The following FAM76A variants were observed in gnomAD, a reference collection of about 807,000 sequenced individuals.
FAM76A encodes family with sequence similarity 76 member A.
Under a neutral mutation model 46.2 loss-of-function variants are expected in FAM76A, and 32 were observed. The observed-to-expected ratio is 0.69, with a 90% CI of 0.52 to 0.93. The LOEUF is 0.93. Ranked by LOEUF, FAM76A falls within the 40% of genes least tolerant of loss-of-function variation. FAM76A has a pLI of 0.00. For missense variants in FAM76A, 274 were observed against 361.5 expected, an observed-to-expected ratio of 0.76 and a Z score of 1.96; for synonymous variants, 137 against 127.0, an observed-to-expected ratio of 1.08 and a Z score of -0.53.
chr1:27,730,016 A>G (rs568421888), intron 2 of FAM76A, among the ~76,000 whole-genome samples: 12 of 152,286 alleles, frequency 7.9e-5, no homozygotes, highest in East Asian at 3.9e-4. Context: ...TAGTGGAATC[A>G]TACTCTAGAA....
chr1:27,737,253 C>G (rs1432905792), intron 4 of FAM76A, among the ~76,000 whole-genome samples: 1 of 152,038 alleles, frequency 6.6e-6, no homozygotes, highest in Non-Finnish European at 1.5e-5. Context: ...CCGGCCTGCT[C>G]TTTTATTTCT....
In FAM76A at chr1:27,755,371, G is replaced by A. The variant is rs2088393526; in HGVS notation, c.735+41G>A. 5 of 1,610,408 alleles carry A rather than the reference G, an allele frequency of 3.1e-6. No individual in the cohort carries two copies. The East Asian group carries it at 8.9e-5, about 29-fold the overall frequency. On this transcript the variant is annotated intron_variant, in intron 7 of 8. Transcript: ENST00000373954. ...TTCCTCTCTGACCAGAATGATGCGA[G>A]GGTGAGATATGTGGTATGGGACATG...
chr1:27,749,581 C>T (rs2088300480), intron 6 of FAM76A, among the ~76,000 whole-genome samples: 1 of 152,160 alleles, frequency 6.6e-6, no homozygotes, highest in Admixed American at 6.5e-5. Flanking sequence ...GACTTGAACT[C>T]CTGGCCTCAA....
At chr1:27,726,243 C>CG in intron 1 of FAM76A, 82 bp downstream of exon 1, 1 of 1,153,248 alleles carries the variant, frequency 8.7e-7, no homozygotes, top group Non-Finnish European at 1.1e-6. Flanking sequence ...GGACGCCCGG[C>CG]GGGGTCCCCG....
chr1:27,758,129 T>C (rs1256700404), intron 7 of FAM76A, among the ~76,000 whole-genome samples: 1 of 152,196 alleles, frequency 6.6e-6, no homozygotes, highest in African/African-American at 2.4e-5. Flanking sequence ...TCATTCTGAA[T>C]AGCTAAGACA....
intron 6 of FAM76A, among the ~76,000 whole-genome samples, chr1:27,753,545 G>A (rs536431691): frequency 3.3e-5 from 5 of 152,206 alleles, no homozygotes; most frequent in Non-Finnish European, 7.3e-5. Flanking sequence ...TTGTTATGCA[G>A]TAATTCCATC....
At chr1:27,740,237 T>A in intron 4 of FAM76A, 1 of 681,954 alleles carries the variant, frequency 1.5e-6, no homozygotes, top group Non-Finnish European at 2.8e-6. Flanking sequence ...TTGAGGCTAC[T>A]AAGTACTCAG....
At chr1:27,756,516 C>T (rs866199543) in intron 7 of FAM76A, among the ~76,000 whole-genome samples, 65 of 152,038 alleles carry the variant, frequency 4.3e-4, no homozygotes, top group African/African-American at 1.4e-3. Flanking sequence ...GTCTCGAACT[C>T]CTCATCTGAA....
intron 3 of FAM76A, among the ~76,000 whole-genome samples, chr1:27,732,872 C>T (rs993760747): frequency 3.3e-5 from 5 of 151,900 alleles, no homozygotes; most frequent in Admixed American, 1.3e-4. Context: ...TTATAATTTT[C>T]ATTGAGAGGC....
rs2087976994 is a variant in FAM76A at position 27,732,523 on chromosome 1, T to TGAGCA, written c.147-79_147-75dup. Reference sequence around the variant, plus strand: ...CATATCTCACTTTGGCCCTTAGCAATGAGCAAATTCCTTGGGCTTAAGGAG... The same window carrying TGAGCA: ...CATATCTCACTTTGGCCCTTAGCAATGAGCAGAGCAAATTCCTTGGGCTTAAGGAG... On this transcript the variant is annotated intron_variant, in intron 2 of 8. Transcript: ENST00000373954. 5 of 1,289,458 alleles carry TGAGCA rather than the reference T, an allele frequency of 3.9e-6. No homozygotes were observed. In the Admixed American group the frequency reaches 9.3e-5, roughly 24 times the overall value. The allele number at this position is 1,289,458 out of a possible 1,614,324, so 79.9% of individuals were successfully genotyped here.
At chr1:27,739,855 A>G (rs1409550275) in intron 4 of FAM76A, 1 of 187,296 alleles carries the variant, frequency 5.3e-6, no homozygotes, top group African/African-American at 2.4e-5. Flanking sequence ...AAAATAGGCT[A>G]TGGTACAGAG....
intron 3 of FAM76A, among the ~76,000 whole-genome samples, chr1:27,733,815 A>C (rs942257912): frequency 5.3e-5 from 8 of 152,090 alleles, no homozygotes; most frequent in Non-Finnish European, 1.0e-4. Flanking sequence ...GCGCCACTGC[A>C]CTCCAGCCTG....
intron 3 of FAM76A, among the ~76,000 whole-genome samples, chr1:27,732,892 C>G (rs2087983541): frequency 6.6e-6 from 1 of 151,532 alleles, no homozygotes; most frequent in South Asian, 2.1e-4. Flanking sequence ...CTTCAGTGAC[C>G]AGTATGGAAA....
intron 4 of FAM76A, among the ~76,000 whole-genome samples, chr1:27,742,537 G>A (rs529614021): frequency 1.6e-4 from 24 of 152,170 alleles, no homozygotes; most frequent in African/African-American, 5.3e-4. Context: ...TCTGAGAGAT[G>A]GTATCCAGCA....
At position 27,731,058 on chromosome 1, in the gene FAM76A, G is replaced by A. The variant is rs75909323; in HGVS notation, c.147-1545G>A. On this transcript the variant is annotated intron_variant, in intron 2 of 8. Transcript: ENST00000373954. ...ATTCATTTTTACCTCCTCATGTGAA[G>A]AGTTAGACTTTTATTTGAAGATGAT... Among the ~76,000 whole-genome samples the A allele has an allele frequency of 8.1e-4, 124 of 152,264 alleles. No homozygotes were observed. In the East Asian group the frequency reaches 0.023, roughly 28 times the overall value.
intron 3 of FAM76A, among the ~76,000 whole-genome samples, chr1:27,732,945 T>G (rs569625295): frequency 1.1e-4 from 17 of 152,042 alleles, no homozygotes; most frequent in East Asian, 3.9e-4. Flanking sequence ...TTTTTGTTTT[T>G]TTTTTTTTGT....
At chr1:27,751,808 GT>G (rs930933142) in intron 6 of FAM76A, among the ~76,000 whole-genome samples, 1 of 147,320 alleles carries the variant, frequency 6.8e-6, no homozygotes, top group African/African-American at 2.5e-5. Context: ...GGCTTTTTTT[GT>G]TTTTTTTCTT....
In FAM76A at chr1:27,737,233, G is replaced by C. The variant is rs2088064060; in HGVS notation, c.354+3050G>C. 2.0e-5 allele frequency among the ~76,000 whole-genome samples: 3 copies of C among 152,150 alleles called. No homozygotes were observed. The South Asian group carries it at 6.2e-4, about 31-fold the overall frequency. ...CAAAGTGCTAGGATTACAAGCATGA[G>C]CCACCGTGCCCGGCCTGCTCTTTTA... is the stretch of plus-strand genomic sequence containing the variant. On this transcript the variant is annotated intron_variant, in intron 4 of 8. Coordinates refer to ENST00000373954, the MANE Select transcript of FAM76A (RefSeq NM_152660.3).
In FAM76A at chr1:27,759,645, T is replaced by C. The variant is rs980345071; in HGVS notation, c.837+18T>C. On this transcript the variant is annotated intron_variant, in intron 8 of 8. Coordinates refer to ENST00000373954, the MANE Select transcript of FAM76A (RefSeq NM_152660.3). ...AACTGCAGGTGACTGACTCTGCTTA[T>C]TTTATGTGCTAAAATTGTGTACCTA... 6.4e-6 allele frequency: 10 copies of C among 1,557,490 alleles called. No homozygotes were observed. The Admixed American group carries it at 1.4e-4, about 21-fold the overall frequency.
Sources: gnomAD v4.1 joint callset for allele counts (sites outside exome capture counted in the v4.1 genomes callset) on GRCh38, gnomAD v4.1.1 for gene constraint, MANE v1.5 for transcripts, NCBI Gene and HGNC (gene_info 2026-07-23, HGNC 2026-07-21) for gene names.